Variants in PLCH1 observed in about 807,000 individuals in gnomAD.
PLCH1 encodes the protein 1-phosphatidylinositol 4,5-bisphosphate phosphodiesterase eta-1.
A neutral mutation model predicts 126.7 loss-of-function variants in PLCH1; 60 were observed. That is an observed-to-expected ratio of 0.47 (90% CI 0.38 to 0.59). The LOEUF is 0.59. Ranked by LOEUF, PLCH1 falls within the 20% of genes least tolerant of loss-of-function variation. The pLI is 0.00. For synonymous variants in PLCH1, 719 were observed against 734.9 expected, an observed-to-expected ratio of 0.98 and a Z score of 0.35; for missense variants, 1,723 against 2,040.0, an observed-to-expected ratio of 0.84 and a Z score of 2.99.
At position 155,482,170 on chromosome 3, in the gene PLCH1, T is replaced by C; in HGVS notation, c.3856A>G (p.Lys1286Glu). 6.2e-7 allele frequency: 1 copy of C among 1,614,212 alleles called. No individual in the cohort carries two copies. Among genetic ancestry groups the C allele is most frequent in the South Asian group, 1.1e-5 (1 of 91,082 alleles). Residue 1286 changes from lysine (K) to glutamate (E), a missense_variant, in exon 23 of 23, where the codon AAG becomes GAG. Coordinates refer to ENST00000460012, the MANE Select transcript of PLCH1 (RefSeq NM_014996.4). Reference protein sequence around the residue: ...KTKPDDDLSSKAKTAALESNL... With the variant: ...KTKPDDDLSSEAKTAALESNL... ...CTTTCTAAGGCCGCTGTCTTGGCCT[T>C]ACTAGAAAGGTCATCATCTGGTTTG... is the stretch of plus-strand genomic sequence containing the variant.
At chr3:155,697,758 G>A (rs1008923689) in intron 2 of PLCH1, among the ~76,000 whole-genome samples, 1 of 152,238 alleles carries the variant, frequency 6.6e-6, no homozygotes, top group Non-Finnish European at 1.5e-5. Context: ...TGACAGCAGA[G>A]AAGGCATGAG....
At chr3:155,580,338 A>G (rs1730511395) in intron 6 of PLCH1, among the ~76,000 whole-genome samples, 1 of 152,210 alleles carries the variant, frequency 6.6e-6, no homozygotes, top group African/African-American at 2.4e-5. Flanking sequence ...TTGCTAAAGC[A>G]AAACATTGAA....
In PLCH1 at chr3:155,649,838, C is replaced by T. The variant is rs572418061; in HGVS notation, c.80-53460G>A. On this transcript the variant is annotated intron_variant, in intron 2 of 22. Coordinates refer to ENST00000460012, the MANE Select transcript of PLCH1 (RefSeq NM_014996.4). ...CTAAAAATACAAAAAATTAGCCAGG[C>T]GCGGTGATGGGCGCCTGCAGTCCCA... is the stretch of plus-strand genomic sequence containing the variant. Among the ~76,000 whole-genome samples, 17 of 152,170 alleles carry T rather than the reference C, an allele frequency of 1.1e-4. 1 individual carries two copies. Among genetic ancestry groups the T allele is most frequent in the East Asian group, 1.9e-4 (1 of 5,172 alleles).
At chr3:155,616,548 A>G (rs943209530) in intron 2 of PLCH1, among the ~76,000 whole-genome samples, 1 of 152,188 alleles carries the variant, frequency 6.6e-6, no homozygotes, top group African/African-American at 2.4e-5. Context: ...GTCTTCTTTT[A>G]TGATTAAACT....
intron 15 of PLCH1, among the ~76,000 whole-genome samples, chr3:155,495,644 T>C (rs1352085750): frequency 6.6e-6 from 1 of 152,192 alleles, no homozygotes; most frequent in African/African-American, 2.4e-5. Context: ...ACTCTGCATG[T>C]TTATTAACAC....
chr3:155,494,344 G>T lies in PLCH1; in HGVS notation c.2068C>A (p.Gln690Lys). Residue 690 changes from glutamine (Q) to lysine (K), a missense_variant, in exon 16 of 23, where the codon CAG becomes AAG. By Grantham distance (53) the Gln-to-Lys change is moderately conservative. Coordinates refer to ENST00000460012, the MANE Select transcript of PLCH1 (RefSeq NM_014996.4). ...CTTCCCAAGGAATACACACCTAGCT[G>T]GCAGCCTGCGTTCCAGTAGGGGAGA... is the stretch of plus-strand genomic sequence containing the variant. ...NPLPYWNAGC[Q>K]LVALNYQSEG... 1 of 1,613,982 alleles carries T rather than the reference G, an allele frequency of 6.2e-7. No homozygotes were observed. Among genetic ancestry groups the T allele is most frequent in the East Asian group, 2.2e-5 (1 of 44,880 alleles).
intron 1 of PLCH1, among the ~76,000 whole-genome samples, chr3:155,723,950 T>C (rs1052625805): frequency 2.1e-5 from 2 of 95,072 alleles, no homozygotes; most frequent in African/African-American, 1.1e-4. Context: ...CTAAACTCCA[T>C]CTCAAAAAAA....
rs1451745940 is a variant in PLCH1, at chr3:155,673,194, C to T, written c.79+30952G>A. ...ACCTGACATCATCCTCATCATATTT[C>T]AAGGCTCAGTTCAAATGTCACCTCC... On this transcript the variant is annotated intron_variant, in intron 2 of 22. Transcript: ENST00000460012. Among the ~76,000 whole-genome samples, 3 of 151,164 alleles carry T rather than the reference C, an allele frequency of 2.0e-5. No individual in the cohort carries two copies. The Admixed American group carries it at 2.0e-4, about 10-fold the overall frequency.
chr3:155,502,762 G>A (rs1718095376), intron 13 of PLCH1, among the ~76,000 whole-genome samples: 1 of 152,090 alleles, frequency 6.6e-6, no homozygotes, highest in Non-Finnish European at 1.5e-5. Context: ...GCTCTTCCGA[G>A]GGATCATCTT....
chr3:155,476,013 G>A (rs1394015617), downstream of PLCH1, among the ~76,000 whole-genome samples: 1 of 151,810 alleles, frequency 6.6e-6, no homozygotes, highest in South Asian at 2.1e-4. Context: ...CACAAAAAAA[G>A]AAAATGACAG....
At chr3:155,469,621 C>A (rs1713090228) in intron 21 of PLCH1, among the ~76,000 whole-genome samples, 1 of 152,202 alleles carries the variant, frequency 6.6e-6, no homozygotes, top group African/African-American at 2.4e-5. Context: ...CCTCTGGGGG[C>A]AGGGCACAGA....
downstream of PLCH1, among the ~76,000 whole-genome samples, chr3:155,475,952 A>C (rs1654462003): frequency 6.6e-6 from 1 of 152,180 alleles, no homozygotes; most frequent in African/African-American, 2.4e-5. Context: ...GAACACTTCC[A>C]AACTCTTTCT....
intron 21 of PLCH1, among the ~76,000 whole-genome samples, chr3:155,474,100 TC>T (rs1713409859): frequency 6.6e-6 from 1 of 152,028 alleles, no homozygotes; most frequent in Admixed American, 6.5e-5. Context: ...CTAAAGAGCT[TC>T]TGCACAGCAA....
chr3:155,489,571 C>T (rs112331281), intron 19 of PLCH1, among the ~76,000 whole-genome samples: 1 of 152,188 alleles, frequency 6.6e-6, no homozygotes, highest in African/African-American at 2.4e-5. Context: ...AGACCATGCA[C>T]TATTGATTCC....
chr3:155,460,838 A>C (rs941126326), intron 21 of PLCH1, among the ~76,000 whole-genome samples: 5 of 140,956 alleles, frequency 3.5e-5, no homozygotes, highest in Non-Finnish European at 6.3e-5. Context: ...AGATAGATAG[A>C]TAGATAGTGG....
At chr3:155,458,159 T>G (rs138877020) in intron 21 of PLCH1, among the ~76,000 whole-genome samples, 1 of 151,712 alleles carries the variant, frequency 6.6e-6, no homozygotes, top group African/African-American at 2.4e-5. Context: ...CTGGCCAACA[T>G]GGTGAAACCC....
At chr3:155,544,474 T>A (rs1724893149) in intron 10 of PLCH1, among the ~76,000 whole-genome samples, 1 of 152,172 alleles carries the variant, frequency 6.6e-6, no homozygotes, top group Non-Finnish European at 1.5e-5. Context: ...ATTAGACAGA[T>A]CAACGAGACA....
chr3:155,675,576 T>C (rs1196926710), intron 2 of PLCH1, among the ~76,000 whole-genome samples: 1 of 152,210 alleles, frequency 6.6e-6, no homozygotes, highest in Non-Finnish European at 1.5e-5. Context: ...TCCAGATTAT[T>C]GTAGAAAGTT....
At chr3:155,496,405 CA>C (rs758035940) in intron 15 of PLCH1, among the ~76,000 whole-genome samples, 33 of 152,104 alleles carry the variant, frequency 2.2e-4, no homozygotes, top group Middle Eastern at 3.4e-3. Flanking sequence ...CATGCTCTCA[CA>C]TGTGAAATTC....
Sources: gnomAD v4.1 joint callset for allele counts (sites outside exome capture counted in the v4.1 genomes callset) on GRCh38, gnomAD v4.1.1 for gene constraint, MANE v1.5 for transcripts, NCBI Gene and HGNC (gene_info 2026-07-23, HGNC 2026-07-21) for gene names.